DUOX1: variants seen among roughly 807,000 people sequenced by gnomAD.
The protein encoded by DUOX1 is NADPH thyroid oxidase 1.
A neutral mutation model predicts 181.8 loss-of-function variants in DUOX1; 134 were observed. That is an observed-to-expected ratio of 0.74 (90% CI 0.64 to 0.85). The LOEUF (loss-of-function observed/expected upper bound fraction) is 0.85, where lower values mean the gene tolerates loss of function less well. DUOX1 is among the 40% of genes least tolerant of loss of function. The pLI, the probability that DUOX1 is intolerant of heterozygous loss-of-function variation, is 0.00. For synonymous variants in DUOX1, 798 were observed against 832.5 expected (o/e 0.96, Z 0.71); for missense variants, 1,814 against 2,064.4 (o/e 0.88, Z 2.35).
chr15:45,145,736 G>A lies in DUOX1; in HGVS notation c.2322+656G>A, dbSNP rs559391679. On this transcript the variant is annotated intron_variant, in intron 18 of 33. Coordinates refer to ENST00000389037, the MANE Select transcript of DUOX1 (RefSeq NM_175940.3). Reference sequence around the variant, plus strand: ...TTGAGACCAGCCTGGCCAACATGGTGAAACCCCGTCTCTACTAAAAATACA... The same window carrying A: ...TTGAGACCAGCCTGGCCAACATGGTAAAACCCCGTCTCTACTAAAAATACA... Among the ~76,000 whole-genome samples, 45 of 152,218 alleles carry A rather than the reference G, an allele frequency of 3.0e-4. 1 individual carries two copies. Among genetic ancestry groups the A allele is most frequent in the South Asian group, 1.0e-3 (5 of 4,818 alleles).
At chr15:45,148,203 G>C (rs934997644) in intron 20 of DUOX1, 69 bp from the exon 21 acceptor site, 3 of 1,604,868 alleles carry the variant, frequency 1.9e-6, no homozygotes, top group Non-Finnish European at 8.5e-7. Flanking sequence ...GTGCGATGGA[G>C]TCAGTGTGTC....
At chr15:45,137,061 A>C (rs1896337606) in intron 9 of DUOX1, among the ~76,000 whole-genome samples, 1 of 152,014 alleles carries the variant, frequency 6.6e-6, no homozygotes, top group Non-Finnish European at 1.5e-5. Flanking sequence ...CTTTAAAAAG[A>C]CATAGGCCGG....
Position 45,139,120 on chromosome 15 carries a change from T to C in DUOX1, c.1168T>C (p.Ser390Pro). 1 of 1,614,188 alleles carries C rather than the reference T, an allele frequency of 6.2e-7. No homozygotes were observed. The highest frequency in any genetic ancestry group is 8.5e-7 in the Non-Finnish European group (1 of 1,180,028). Reference sequence around the variant, plus strand: ...GGATGCACTGCTGCTGGGCATGGCCTCCCAGATCGCAGAGCGAGAGGACCA... The same window carrying C: ...GGATGCACTGCTGCTGGGCATGGCCCCCCAGATCGCAGAGCGAGAGGACCA... ...DVDALLLGMASQIAEREDHVL... is the reference protein window; with the variant it reads ...DVDALLLGMAPQIAEREDHVL... Residue 390 changes from serine (S) to proline (P), a missense_variant, in exon 11 of 34, where the codon TCC becomes CCC. Around this residue, in one of 5 missense-constraint regions of DUOX1, gnomAD observed 1,064 missense variants for 1,152.9 expected, o/e 0.92. Coordinates refer to ENST00000389037, the MANE Select transcript of DUOX1 (RefSeq NM_175940.3).
chr15:45,153,349 C>T (rs1896866780), intron 25 of DUOX1, 31 bp from the exon 26 acceptor site: 4 of 1,601,306 alleles, frequency 2.5e-6, no homozygotes, highest in African/African-American at 1.3e-5. Context: ...TGGGCTGCCC[C>T]AAGCTCACCA....
chr15:45,144,047 C>G lies in DUOX1; in HGVS notation c.1948C>G (p.Gln650Glu). The change falls in exon 17 of 34, where the codon CAA (glutamine) becomes GAA (glutamate). Residue 650 changes from glutamine to glutamate, a missense_variant. Transcript: ENST00000389037. ...LVGGMEALEWQGHKEPCRPVL... is the reference protein window; with the variant it reads ...LVGGMEALEWEGHKEPCRPVL... ...CTCTCTCCCCCTAGCTTTGGAATGG[C>G]AAGGCCACAAGGAGCCCTGCCGGCC... 1 of 1,613,950 alleles carries G rather than the reference C, an allele frequency of 6.2e-7. No individual in the cohort carries two copies. Among genetic ancestry groups the G allele is most frequent in the African/African-American group, 1.3e-5 (1 of 75,070 alleles).
chr15:45,136,583 A>G lies in DUOX1; in HGVS notation c.980A>G (p.Glu327Gly). Residue 327 changes from glutamate to glycine, a missense_variant, in exon 9 of 34, where the codon GAG (glutamate) becomes GGG (glycine). Physicochemically the swap from Glu to Gly is moderately conservative, Grantham distance 98. This residue lies in a region of DUOX1 where 1,064 missense variants were observed against 1,152.9 expected (regional missense o/e 0.92). Transcript: ENST00000389037. ...SISSEFVAAS[E>G]QFLSTMVPPG... ...TCCTCAGAGTTCGTGGCGGCCTCTG[A>G]GCAGTTCCTGTCCACCATGGTGCCC... 1 of 1,613,936 alleles carries G rather than the reference A, an allele frequency of 6.2e-7. No homozygotes were observed. The highest frequency in any genetic ancestry group is 1.7e-5 in the Admixed American group (1 of 60,018).
chr15:45,139,148 T>C lies in DUOX1; in HGVS notation c.1196T>C (p.Val399Ala), dbSNP rs770529699. ...CAGATCGCAGAGCGAGAGGACCATG[T>C]GTTGGTTGAAGATGTGCGGGGTGAG... is the stretch of plus-strand genomic sequence containing the variant. ...ASQIAEREDH[V>A]LVEDVRDFWP... The change falls in exon 11 of 34, where the codon GTG becomes GCG. Residue 399 changes from valine to alanine, a missense_variant. Transcript: ENST00000389037. The C allele has an allele frequency of 6.2e-7, 1 of 1,614,062 alleles. No homozygotes were observed. The highest frequency in any genetic ancestry group is 2.2e-5 in the East Asian group (1 of 44,864).
intron 23 of DUOX1, 96 bp from the exon 24 acceptor site, chr15:45,151,778 T>C: frequency 7.7e-7 from 1 of 1,296,180 alleles, no homozygotes; most frequent in Non-Finnish European, 1.1e-6. Context: ...GCAGTGGGCT[T>C]CCCTCACTTC....
chr15:45,146,783 A>C (rs918647824), intron 18 of DUOX1, among the ~76,000 whole-genome samples: 14 of 152,176 alleles, frequency 9.2e-5, no homozygotes, highest in Non-Finnish European at 2.1e-4. Context: ...CTTGACAGGC[A>C]GGAAAGACAG....
Position 45,161,927 on chromosome 15 carries a change from T to G in DUOX1, c.4046T>G (p.Ile1349Ser), listed in dbSNP as rs747148877. ...AGPWTTRLRE[I>S]YSAPTGDRCA... The stretch of plus-strand genomic sequence containing the variant: ...CCCTGGACCACTCGCCTCAGGGAGA[T>G]CTACTCAGCCCCGACGGGTGACAGA... Residue 1349 changes from isoleucine to serine, a missense_variant, in exon 30 of 34, where the codon ATC (isoleucine) becomes AGC (serine). By Grantham distance (142) the Ile-to-Ser change is moderately radical. Coordinates refer to ENST00000389037, the MANE Select transcript of DUOX1 (RefSeq NM_175940.3). The G allele has an allele frequency of 3.1e-6, 5 of 1,613,640 alleles. No homozygotes were observed. Among genetic ancestry groups the G allele is most frequent in the Non-Finnish European group, 4.2e-6 (5 of 1,179,956 alleles).
At position 45,135,657 on chromosome 15, in the gene DUOX1, G is replaced by A. The variant is rs1320664652; in HGVS notation, c.679G>A (p.Gly227Arg). The A allele has an allele frequency of 5.3e-6, 8 of 1,502,624 alleles. No individual in the cohort carries two copies. Among genetic ancestry groups the A allele is most frequent in the Admixed American group, 2.2e-5 (1 of 45,870 alleles). The allele number at this position is 1,502,624 out of a possible 1,614,324, so 93.1% of individuals were successfully genotyped here. A position where few individuals can be genotyped will look rare whatever the true frequency, so the allele number is the denominator to read the frequency against. ...AAPDPATGQN[G>R]PRGLYAFGAE... ...GCCCGACCCCGCCACCGGGCAGAAC[G>A]GGCCCCGGGGGCTGTACGGTGAGGC... The change falls in exon 6 of 34, where the codon GGG (glycine) becomes AGG (arginine). Residue 227 changes from glycine to arginine, a missense_variant. By Grantham distance (125) the Gly-to-Arg change is moderately radical (BLOSUM62 -2). Transcript: ENST00000389037.
At chr15:45,133,572 C>T (rs1896207058) in intron 2 of DUOX1, among the ~76,000 whole-genome samples, 2 of 152,200 alleles carry the variant, frequency 1.3e-5, no homozygotes, top group African/African-American at 2.4e-5. Context: ...CACTGCTCTC[C>T]TCCAGCCCCC....
Position 45,155,870 on chromosome 15 carries a change from C to A in DUOX1, c.3643C>A (p.Arg1215Ser). Residue 1215 changes from arginine (R) to serine (S), a missense_variant, in exon 28 of 34, where the codon CGC becomes AGC. Physicochemically the swap from Arg to Ser is moderately radical, Grantham distance 110 (BLOSUM62 -1). Around this residue, in one of 5 missense-constraint regions of DUOX1, gnomAD observed 279 missense variants for 381.9 expected, o/e 0.73. Coordinates refer to ENST00000389037, the MANE Select transcript of DUOX1 (RefSeq NM_175940.3). The stretch of plus-strand genomic sequence containing the variant: ...TGTCTTTGCCTCCCACCACTTCCGC[C>A]GCCGCAGTTTCCGGGGCTTCTGGCT... ...MYVFASHHFR[R>S]RSFRGFWLTH... 1 of 1,614,158 alleles carries A rather than the reference C, an allele frequency of 6.2e-7. No homozygotes were observed.
intron 28 of DUOX1, among the ~76,000 whole-genome samples, chr15:45,158,338 A>C (rs1897013039): frequency 2.0e-5 from 3 of 152,198 alleles, no homozygotes; most frequent in Admixed American, 6.5e-5. Context: ...TTAGTCTTGT[A>C]GGGAAAGGTT....
At chr15:45,144,810 T>C (rs759266912) in intron 17 of DUOX1, 85 bp from the exon 18 acceptor site, 26 of 1,420,188 alleles carry the variant, frequency 1.8e-5, no homozygotes, top group Non-Finnish European at 2.4e-5. Context: ...GCCACCCCAG[T>C]GGCCCCTCTG....
At chr15:45,140,286 G>T (rs1595580006) in intron 12 of DUOX1, among the ~76,000 whole-genome samples, 4 of 152,298 alleles carry the variant, frequency 2.6e-5, no homozygotes, top group Admixed American at 2.6e-4. Context: ...CAATAAAGAA[G>T]TGATATGAGC....
intron 4 of DUOX1, 111 bp downstream of exon 4, chr15:45,134,420 G>C (rs1292006831): frequency 8.2e-7 from 1 of 1,219,070 alleles, no homozygotes; most frequent in Non-Finnish European, 1.1e-6. Flanking sequence ...TAAGGGATGA[G>C]GGTGAGAGGT....
At chr15:45,143,884 A>G (rs554819688) in intron 16 of DUOX1, 152 bp from the exon 17 acceptor site, 1 of 698,550 alleles carries the variant, frequency 1.4e-6, no homozygotes, top group African/African-American at 1.8e-5. Flanking sequence ...AGGCACAGCC[A>G]GGCTTTCAGG....
chr15:45,144,882 G>C lies in DUOX1; in HGVS notation c.2137-13G>C. The C allele has an allele frequency of 6.3e-7, 1 of 1,594,558 alleles. No individual in the cohort carries two copies. Among genetic ancestry groups the C allele is most frequent in the Non-Finnish European group, 8.5e-7 (1 of 1,171,608 alleles). ...TTGGCAAATGGTTGCTTTTGCTCGGGCTGCCCCCTTAGGTGCTGCTGTTTA... is the reference window on the plus strand; with the variant it reads ...TTGGCAAATGGTTGCTTTTGCTCGGCCTGCCCCCTTAGGTGCTGCTGTTTA... On this transcript the variant is annotated splice_polypyrimidine_tract_variant and intron_variant, in intron 17 of 33. Coordinates refer to ENST00000389037, the MANE Select transcript of DUOX1 (RefSeq NM_175940.3).
Sources: gnomAD v4.1 joint callset for allele counts (sites outside exome capture counted in the v4.1 genomes callset) on GRCh38, gnomAD v4.1.1 for gene constraint, gnomAD v4.1.1 regional missense constraint, MANE v1.5 for transcripts, NCBI Gene and HGNC (gene_info 2026-07-23, HGNC 2026-07-21) for gene names.